BICD1: variants seen among roughly 807,000 people sequenced by gnomAD.
The protein encoded by BICD1 is protein bicaudal D homolog 1.
In BICD1, 35 loss-of-function variants were observed where a neutral mutation model predicts 92.5. The observed-to-expected ratio is 0.38, with a 90% CI of 0.29 to 0.50. The LOEUF (loss-of-function observed/expected upper bound fraction) is 0.50. BICD1 is among the 20% of genes least tolerant of loss of function. The pLI is 0.93. For synonymous variants in BICD1, 429 were observed against 465.1 expected, an observed-to-expected ratio of 0.92 and a Z score of 1.00; for missense variants, 950 against 1,189.8, an observed-to-expected ratio of 0.80 and a Z score of 2.97.
intron 2 of BICD1, among the ~76,000 whole-genome samples, chr12:32,235,855 C>T (rs1388593913): frequency 1.3e-5 from 2 of 151,610 alleles, no homozygotes; most frequent in Non-Finnish European, 2.9e-5. Context: ...TGCATGCCAC[C>T]ACACCCAGCT....
intron 1 of BICD1, among the ~76,000 whole-genome samples, chr12:32,130,958 C>T (rs201310774): frequency 6.6e-6 from 1 of 152,056 alleles, no homozygotes; most frequent in East Asian, 1.9e-4. Context: ...CTGCCTTAGC[C>T]TCTCAAGCTG....
chr12:32,181,744 T>G (rs1565570028), intron 1 of BICD1, among the ~76,000 whole-genome samples: 1 of 151,992 alleles, frequency 6.6e-6, no homozygotes, highest in Non-Finnish European at 1.5e-5. Context: ...AACTGTTGCT[T>G]ATAATTGGAA....
intron 1 of BICD1, among the ~76,000 whole-genome samples, chr12:32,136,381 G>A (rs569206830): frequency 1.3e-5 from 2 of 152,340 alleles, no homozygotes; most frequent in South Asian, 4.1e-4. Flanking sequence ...AAAAAGGAAT[G>A]GTGCTGGGCT....
At chr12:32,367,115 A>G (rs1203494591) in intron 8 of BICD1, among the ~76,000 whole-genome samples, 1 of 152,226 alleles carries the variant, frequency 6.6e-6, no homozygotes, top group Admixed American at 6.5e-5. Flanking sequence ...TATTGTCAAT[A>G]TATAAAATCA....
At chr12:32,140,773 C>T (rs1942892161) in intron 1 of BICD1, among the ~76,000 whole-genome samples, 1 of 151,840 alleles carries the variant, frequency 6.6e-6, no homozygotes, top group African/African-American at 2.4e-5. Flanking sequence ...TCCTCATTGT[C>T]ACAGTGTTCG....
At chr12:32,374,212 C>CAA (rs1297620485) in intron 9 of BICD1, among the ~76,000 whole-genome samples, 1 of 106,758 alleles carries the variant, frequency 9.4e-6, no homozygotes, top group Admixed American at 9.9e-5. Context: ...AGATTCTGCT[C>CAA]AAAAAAAAAA....
chr12:32,266,075 A>C (rs138980707), intron 2 of BICD1, among the ~76,000 whole-genome samples: 87 of 152,276 alleles, frequency 5.7e-4, no homozygotes, highest in African/African-American at 2.0e-3. Flanking sequence ...ATATATACAG[A>C]CTTCCTCATC....
chr12:32,149,461 G>T (rs1943222987), intron 1 of BICD1, among the ~76,000 whole-genome samples: 1 of 152,152 alleles, frequency 6.6e-6, no homozygotes, highest in South Asian at 2.1e-4. Flanking sequence ...TTGAAGTCAA[G>T]AAATGTATAT....
At chr12:32,363,631 C>G (rs1470636732) in intron 8 of BICD1, among the ~76,000 whole-genome samples, 1 of 152,104 alleles carries the variant, frequency 6.6e-6, no homozygotes, top group Admixed American at 6.6e-5. Flanking sequence ...GGAAGCACTC[C>G]CTAACCACTT....
rs1262049578 is a variant in BICD1 at position 32,141,607 on chromosome 12, C to T, written c.213+34063C>T. 5.3e-5 allele frequency among the ~76,000 whole-genome samples: 8 copies of T among 151,972 alleles called. No individual in the cohort carries two copies. The South Asian group carries it at 1.2e-3, about 24-fold the overall frequency. ...TCCTGCCTCAGCCTCCCGAGTAGCT[C>T]GGAGTACAGGCGCCCGCCACTACGC... is the stretch of plus-strand genomic sequence containing the variant. On this transcript the variant is annotated intron_variant, in intron 1 of 9. Coordinates refer to ENST00000652176, the MANE Select transcript of BICD1 (RefSeq NM_001714.4).
At chr12:32,308,451 A>C (rs532242733) in intron 4 of BICD1, among the ~76,000 whole-genome samples, 1 of 152,340 alleles carries the variant, frequency 6.6e-6, no homozygotes, top group South Asian at 2.1e-4. Flanking sequence ...ATGAAGGTTT[A>C]TGAGTTATAT....
At chr12:32,355,620 G>A (rs781553654) in intron 8 of BICD1, among the ~76,000 whole-genome samples, 2 of 152,022 alleles carry the variant, frequency 1.3e-5, no homozygotes, top group Non-Finnish European at 2.9e-5. Context: ...TGGGCAACAC[G>A]GTGAAACTCT....
At position 32,220,272 on chromosome 12, in the gene BICD1, A is replaced by G. The variant is rs901530311; in HGVS notation, c.426+3813A>G. Among the ~76,000 whole-genome samples the G allele has an allele frequency of 7.8e-3, 1,184 of 152,288 alleles. 13 individuals are homozygous for G. Among genetic ancestry groups the G allele is most frequent in the African/African-American group, 0.027 (1,118 of 41,550 alleles). On this transcript the variant is annotated intron_variant, in intron 2 of 9. Transcript: ENST00000652176. The stretch of plus-strand genomic sequence containing the variant: ...TCTAATTAAACTAAAGAGCTTCTGC[A>G]CAGCAAAAGAAACTACCATCAGAGT...
chr12:32,296,896 C>T (rs998367172), intron 3 of BICD1, among the ~76,000 whole-genome samples: 2 of 152,176 alleles, frequency 1.3e-5, no homozygotes, highest in Non-Finnish European at 2.9e-5. Context: ...TCCCCATGCC[C>T]TTCTCCCAGT....
intron 1 of BICD1, among the ~76,000 whole-genome samples, chr12:32,151,377 C>G (rs1476518954): frequency 2.0e-5 from 3 of 152,200 alleles, no homozygotes; most frequent in African/African-American, 7.2e-5. Context: ...TTCCTACTCA[C>G]CAGGTGCAAC....
chr12:32,188,732 C>CT (rs112355174), intron 1 of BICD1, among the ~76,000 whole-genome samples: 7,971 of 144,070 alleles, frequency 0.055, 649 homozygotes, highest in African/African-American at 0.19. Context: ...TCTTGAATTC[C>CT]TTTTTTTTTT....
At chr12:32,361,087 A>G (rs1565696330) in intron 8 of BICD1, among the ~76,000 whole-genome samples, 1 of 152,346 alleles carries the variant, frequency 6.6e-6, no homozygotes, top group South Asian at 2.1e-4. Context: ...TGCTGTTTTA[A>G]TAGGACTGGG....
At chr12:32,262,558 A>C (rs1946885518) in intron 2 of BICD1, among the ~76,000 whole-genome samples, 1 of 152,220 alleles carries the variant, frequency 6.6e-6, no homozygotes, top group South Asian at 2.1e-4. Context: ...AATGTGACTT[A>C]TTTGGAATAA....
At chr12:32,109,764 CAT>C (rs1941619070) in intron 1 of BICD1, among the ~76,000 whole-genome samples, 1 of 151,764 alleles carries the variant, frequency 6.6e-6, no homozygotes, top group Non-Finnish European at 1.5e-5. Context: ...ATTCTTTAAA[CAT>C]AGAATATACT....
Sources: allele counts gnomAD v4.1 joint callset (sites outside exome capture counted in the v4.1 genomes callset), GRCh38; gene constraint gnomAD v4.1.1; transcripts MANE v1.5; gene names NCBI Gene and HGNC (gene_info 2026-07-23, HGNC 2026-07-21).